USP46: variants seen among roughly 807,000 people sequenced by gnomAD.
USP46 encodes ubiquitin specific peptidase 46, also known as ubiquitin carboxyl-terminal hydrolase 46.
USP46 carries 12 observed loss-of-function variants against 44.4 expected under a neutral mutation model. The ratio of observed to expected loss-of-function variants is 0.27; its 90% CI spans 0.17 to 0.44. USP46 has a LOEUF of 0.44. Ranked by LOEUF, USP46 falls within the 20% of genes least tolerant of loss-of-function variation. USP46 has a pLI of 1.00. For synonymous variants in USP46, 155 were observed against 161.5 expected (o/e 0.96, Z 0.31); for missense variants, 248 against 444.8 (o/e 0.56, Z 3.98).
rs750608132 is a variant in USP46, at chr4:52,627,969, T to G, written c.312A>C (p.Ser104=). The part of the protein sequence containing the change: ...VGVIPPKKFI[S]RLRKENDLFD... ...ACTCACCATTCTCTTTTCTCAGCCT[T>G]GAAATGAACTTCTTTGGTGGGATGA... is the stretch of plus-strand genomic sequence containing the variant. Residue 104 remains serine, a synonymous_variant, in exon 3 of 9, where the codon TCA becomes TCC. Coordinates refer to ENST00000441222, the MANE Select transcript of USP46 (RefSeq NM_022832.4). 1 of 1,613,572 alleles carries G rather than the reference T, an allele frequency of 6.2e-7. No individual in the cohort carries two copies. The highest frequency in any genetic ancestry group is 8.5e-7 in the Non-Finnish European group (1 of 1,179,692).
At chr4:52,643,869 G>T (rs983378057) in intron 1 of USP46, among the ~76,000 whole-genome samples, 1 of 152,098 alleles carries the variant, frequency 6.6e-6, no homozygotes, top group Non-Finnish European at 1.5e-5. Context: ...ATGTAAATTC[G>T]GTTCCTGAGT....
At chr4:52,652,668 T>C (rs1718808559) in intron 1 of USP46, among the ~76,000 whole-genome samples, 1 of 152,082 alleles carries the variant, frequency 6.6e-6, no homozygotes, top group African/African-American at 2.4e-5. Flanking sequence ...GTTTAAAACA[T>C]GAAAAAATAC....
Position 52,593,176 on chromosome 4 carries a change from A to T in USP46, c.*4464T>A. 2.6e-6 allele frequency: 1 copy of T among 379,052 alleles called. No individual in the cohort carries two copies. Among genetic ancestry groups the T allele is most frequent in the Non-Finnish European group, 4.7e-6 (1 of 214,598 alleles). The allele number at this position is 379,052 out of a possible 1,614,324, so 23.5% of individuals were successfully genotyped here. On this transcript the variant is annotated 3_prime_UTR_variant, in exon 9 of 9. Transcript: ENST00000441222. Reference sequence around the variant, plus strand: ...AGGTATTTTAAGTATCAATAAAAAGAGAGGAAAGGAAATTTGAAGAAATGG... The same window carrying T: ...AGGTATTTTAAGTATCAATAAAAAGTGAGGAAAGGAAATTTGAAGAAATGG...
chr4:52,628,625 C>T (rs1195707063), intron 2 of USP46, among the ~76,000 whole-genome samples: 1 of 152,220 alleles, frequency 6.6e-6, no homozygotes, highest in Non-Finnish European at 1.5e-5. Flanking sequence ...ACCACTTGCT[C>T]GGCTGAAACA....
At chr4:52,655,902 G>A (rs1314958092) in intron 1 of USP46, among the ~76,000 whole-genome samples, 3 of 152,228 alleles carry the variant, frequency 2.0e-5, no homozygotes, top group African/African-American at 4.8e-5. Context: ...GAGGAATGAA[G>A]ATATTTTCCA....
At chr4:52,654,059 T>C (rs1718867346) in intron 1 of USP46, among the ~76,000 whole-genome samples, 2 of 152,226 alleles carry the variant, frequency 1.3e-5, no homozygotes, top group Admixed American at 6.5e-5. Flanking sequence ...TCAACTTTGT[T>C]TTCTCTGAGG....
chr4:52,613,425 GA>G (rs1451006352), intron 4 of USP46, among the ~76,000 whole-genome samples: 1 of 152,078 alleles, frequency 6.6e-6, no homozygotes, highest in Non-Finnish European at 1.5e-5. Flanking sequence ...ATGCATTAAA[GA>G]AAACTAACAG....
chr4:52,611,299 G>A (rs151251221), intron 4 of USP46, among the ~76,000 whole-genome samples: 15 of 152,310 alleles, frequency 9.8e-5, no homozygotes, highest in African/African-American at 3.4e-4. Flanking sequence ...GGTGGCCCCA[G>A]CTGTCTCTCA....
rs1260665576 is a variant in USP46 at position 52,593,136 on chromosome 4, T to C, written c.*4504A>G. The C allele has an allele frequency of 7.6e-6, 3 of 393,750 alleles. No individual in the cohort carries two copies. Among genetic ancestry groups the C allele is most frequent in the African/African-American group, 2.1e-5 (1 of 48,544 alleles). 24.4% of individuals were successfully genotyped at this position (393,750 alleles called of 1,614,324 possible). The stretch of plus-strand genomic sequence containing the variant: ...TATAAGGGAATGGAAATGGAAGGCT[T>C]CATTTTTTTAGTAAAGGTATTTTAA... On this transcript the variant is annotated 3_prime_UTR_variant, in exon 9 of 9. Transcript: ENST00000441222.
In USP46 at chr4:52,604,487, A is replaced by G; in HGVS notation, c.722+14T>C. ...CACCACACAAAGATAACCCTGAGCT[A>G]AATCTTTACCTACCTTTTCTGGGCT... On this transcript the variant is annotated intron_variant, in intron 6 of 8. Transcript: ENST00000441222. The G allele has an allele frequency of 6.2e-7, 1 of 1,607,058 alleles. No individual in the cohort carries two copies. Among genetic ancestry groups the G allele is most frequent in the Non-Finnish European group, 8.5e-7 (1 of 1,175,572 alleles).
chr4:52,640,497 G>A (rs753409179), intron 1 of USP46, among the ~76,000 whole-genome samples: 17 of 152,074 alleles, frequency 1.1e-4, no homozygotes, highest in Non-Finnish European at 2.2e-4. Context: ...TTTTTACTAT[G>A]AGCAATTATT....
chr4:52,654,237 GA>G (rs1470150388), intron 1 of USP46, among the ~76,000 whole-genome samples: 11 of 152,156 alleles, frequency 7.2e-5, no homozygotes, highest in African/African-American at 2.7e-4. Context: ...TATCAGAGTA[GA>G]CCCTCATATG....
intron 1 of USP46, among the ~76,000 whole-genome samples, chr4:52,636,745 G>C (rs977255183): frequency 2.0e-5 from 3 of 148,944 alleles, no homozygotes; most frequent in African/African-American, 7.4e-5. Flanking sequence ...TAAGTTAATG[G>C]TAATTTGTTA....
chr4:52,598,813 C>A, intron 7 of USP46, 107 bp from the exon 8 acceptor site: 1 of 1,058,786 alleles, frequency 9.4e-7, no homozygotes, highest in East Asian at 2.6e-5. Context: ...AAAACTATGT[C>A]ATCAGCGTAA....
At chr4:52,620,140 C>A (rs189177879) in intron 4 of USP46, among the ~76,000 whole-genome samples, 1 of 152,130 alleles carries the variant, frequency 6.6e-6, no homozygotes. Flanking sequence ...TAGGTAAAAG[C>A]TTTTGCAATA....
chr4:52,635,912 T>A (rs1718095775), intron 1 of USP46, among the ~76,000 whole-genome samples: 1 of 152,174 alleles, frequency 6.6e-6, no homozygotes, highest in Admixed American at 6.5e-5. Context: ...AGCTGTGTTG[T>A]TGAAGTTGAG....
chr4:52,653,030 A>G (rs1457062307), intron 1 of USP46, among the ~76,000 whole-genome samples: 1 of 152,188 alleles, frequency 6.6e-6, no homozygotes, highest in Non-Finnish European at 1.5e-5. Flanking sequence ...TTTGGCGACC[A>G]CAGAGTCCCA....
intron 5 of USP46, among the ~76,000 whole-genome samples, chr4:52,607,355 T>C (rs981364284): frequency 3.3e-5 from 5 of 152,110 alleles, no homozygotes; most frequent in African/African-American, 1.2e-4. Flanking sequence ...TCTATACCTG[T>C]TGGAACAAAA....
At chr4:52,613,038 A>G (rs1248068812) in intron 4 of USP46, among the ~76,000 whole-genome samples, 2 of 152,224 alleles carry the variant, frequency 1.3e-5, no homozygotes, top group Non-Finnish European at 2.9e-5. Flanking sequence ...AAAAGCAGCT[A>G]CCTGAAGGCA....
Sources: allele counts gnomAD v4.1 joint callset (sites outside exome capture counted in the v4.1 genomes callset), GRCh38; gene constraint gnomAD v4.1.1; transcripts MANE v1.5; gene names NCBI Gene and HGNC (gene_info 2026-07-23, HGNC 2026-07-21).